Variants in EFCAB6 observed in about 807,000 individuals in gnomAD.
EFCAB6 encodes the protein EF-hand calcium-binding domain-containing protein 6.
EFCAB6 carries 156 observed loss-of-function variants against 169.8 expected under a neutral mutation model. That is an observed-to-expected ratio of 0.92 (90% confidence interval 0.81 to 1.05). The LOEUF (loss-of-function observed/expected upper bound fraction) is 1.05, where lower values mean the gene tolerates loss of function less well. EFCAB6 is among the 50% of genes least tolerant of loss of function. The pLI, the probability that EFCAB6 is intolerant of heterozygous loss-of-function variation, is 0.00. For synonymous variants in EFCAB6, 698 were observed against 676.4 expected (o/e 1.03, Z -0.50); for missense variants, 1,800 against 1,829.1 (o/e 0.98, Z 0.29).
intron 3 of EFCAB6, among the ~76,000 whole-genome samples, chr22:43,779,452 T>TA (rs2061742358): frequency 6.6e-6 from 1 of 152,036 alleles, no homozygotes; most frequent in South Asian, 2.1e-4. Flanking sequence ...TTTTAAAAAG[T>TA]AAAAAAATGC....
chr22:43,658,913 C>A (rs908544047), intron 17 of EFCAB6, among the ~76,000 whole-genome samples: 6 of 152,178 alleles, frequency 3.9e-5, no homozygotes, highest in African/African-American at 1.2e-4. Context: ...ACACCAGCTG[C>A]CCTCAGTAAT....
In EFCAB6 at chr22:43,554,857, G is replaced by A; in HGVS notation, c.3648+12C>T. ...ACGGTGTGCAGGGTGAGGACTGACT[G>A]GCGTTTCTTACCTGTTCGTCCGTCA... On this transcript the variant is annotated intron_variant, in intron 27 of 31. Coordinates refer to ENST00000262726, the MANE Select transcript of EFCAB6 (RefSeq NM_022785.4). 2 of 1,613,158 alleles carry A rather than the reference G, an allele frequency of 1.2e-6. No individual in the cohort carries two copies. The highest frequency in any genetic ancestry group is 1.7e-6 in the Non-Finnish European group (2 of 1,179,074).
intron 12 of EFCAB6, among the ~76,000 whole-genome samples, chr22:43,680,175 T>C (rs2057946187): frequency 6.6e-6 from 1 of 152,216 alleles, no homozygotes; most frequent in African/African-American, 2.4e-5. Flanking sequence ...TTTTTGCATA[T>C]GGATATCCAA....
intron 10 of EFCAB6, among the ~76,000 whole-genome samples, chr22:43,697,151 C>A (rs1250294907): frequency 6.6e-6 from 1 of 152,192 alleles, no homozygotes; most frequent in African/African-American, 2.4e-5. Flanking sequence ...TCAATGCTGG[C>A]AAGAAGTATT....
intron 4 of EFCAB6, among the ~76,000 whole-genome samples, chr22:43,769,948 G>A (rs1378604575): frequency 6.6e-5 from 10 of 151,778 alleles, no homozygotes; most frequent in African/African-American, 1.5e-4. Flanking sequence ...TCTGCCTCCC[G>A]GGTTCAAGCA....
At chr22:43,551,833 T>TG (rs979455126) in intron 27 of EFCAB6, 3 of 151,720 alleles carry the variant, frequency 2.0e-5, no homozygotes, top group Non-Finnish European at 4.4e-5. Context: ...TGTTCCTTTT[T>TG]TTTTTTTTTT....
intron 5 of EFCAB6, among the ~76,000 whole-genome samples, chr22:43,763,169 G>A (rs1221531131): frequency 6.6e-6 from 1 of 152,020 alleles, no homozygotes. Flanking sequence ...CTCCCGAGTC[G>A]CTGGGATTAC....
At chr22:43,651,598 C>CA (rs2056471503) in intron 17 of EFCAB6, among the ~76,000 whole-genome samples, 1 of 152,216 alleles carries the variant, frequency 6.6e-6, no homozygotes, top group Non-Finnish European at 1.5e-5. Flanking sequence ...CACCATCCTC[C>CA]AAACCCCAGA....
intron 28 of EFCAB6, among the ~76,000 whole-genome samples, chr22:43,538,268 G>A (rs2047498679): frequency 2.0e-5 from 3 of 152,136 alleles, no homozygotes; most frequent in Admixed American, 6.5e-5. Context: ...AGGAAATCCT[G>A]TTGGCTCTAC....
chr22:43,567,690 C>T (rs1164111331), intron 26 of EFCAB6, among the ~76,000 whole-genome samples: 1 of 152,156 alleles, frequency 6.6e-6, no homozygotes, highest in African/African-American at 2.4e-5. Context: ...AATGTTTCTA[C>T]CTCTCTGTTT....
At chr22:43,532,580 C>CT (rs34388230) in intron 30 of EFCAB6, among the ~76,000 whole-genome samples, 4,544 of 146,258 alleles carry the variant, frequency 0.031, 207 homozygotes, top group African/African-American at 0.1. Context: ...TGTCTAAAGT[C>CT]TTTTTTTTTT....
chr22:43,794,157 A>C (rs2062412171), intron 2 of EFCAB6, among the ~76,000 whole-genome samples: 1 of 152,186 alleles, frequency 6.6e-6, no homozygotes, highest in Non-Finnish European at 1.5e-5. Context: ...ATGAGTTTAT[A>C]GGTTTTGCCT....
chr22:43,560,752 T>C (rs2048978744), intron 26 of EFCAB6, among the ~76,000 whole-genome samples: 1 of 152,194 alleles, frequency 6.6e-6, no homozygotes, highest in Non-Finnish European at 1.5e-5. Context: ...GAGAAATGCC[T>C]GAAGTCACAG....
At chr22:43,665,575 A>T (rs575466564) in intron 17 of EFCAB6, among the ~76,000 whole-genome samples, 2 of 152,336 alleles carry the variant, frequency 1.3e-5, no homozygotes, top group African/African-American at 4.8e-5. Context: ...TCAGGGTGAA[A>T]TAAAATCTAG....
chr22:43,721,759 A>T (rs2059535313), intron 8 of EFCAB6, among the ~76,000 whole-genome samples: 2 of 152,190 alleles, frequency 1.3e-5, no homozygotes, highest in African/African-American at 4.8e-5. Flanking sequence ...TGGATGAAAG[A>T]AGTAAATGGA....
rs376660951 is a variant in EFCAB6, at chr22:43,632,261, G to A, written c.2099-23C>T. On this transcript the variant is annotated intron_variant, in intron 18 of 31. Coordinates refer to ENST00000262726, the MANE Select transcript of EFCAB6 (RefSeq NM_022785.4). The stretch of plus-strand genomic sequence containing the variant: ...GATCTGGAACAATTACAAAGATCGG[G>A]GTTTCCATTAGTGCCCATCAGCTTC... 6.0e-5 allele frequency: 97 copies of A among 1,604,842 alleles called. No individual in the cohort carries two copies. The African/African-American group carries it at 1.1e-3, about 19-fold the overall frequency.
At chr22:43,753,973 C>T (rs1170560480) in intron 6 of EFCAB6, among the ~76,000 whole-genome samples, 1 of 152,174 alleles carries the variant, frequency 6.6e-6, no homozygotes, top group Non-Finnish European at 1.5e-5. Flanking sequence ...TAGATCATTC[C>T]TAAGTCTTTT....
chr22:43,575,652 T>C (rs149426102), intron 26 of EFCAB6, among the ~76,000 whole-genome samples: 36 of 152,258 alleles, frequency 2.4e-4, no homozygotes, highest in Non-Finnish European at 4.1e-4. Context: ...CAATAGTGTA[T>C]TTTGTTTAGA....
intron 2 of EFCAB6, among the ~76,000 whole-genome samples, chr22:43,807,843 G>A (rs2062973504): frequency 6.6e-6 from 1 of 152,170 alleles, no homozygotes; most frequent in South Asian, 2.1e-4. Flanking sequence ...TCCCTTTATA[G>A]CCTTCCACAC....
Sources: allele counts gnomAD v4.1 joint callset (sites outside exome capture counted in the v4.1 genomes callset), GRCh38; gene constraint gnomAD v4.1.1; transcripts MANE v1.5; gene names NCBI Gene and HGNC (gene_info 2026-07-23, HGNC 2026-07-21).